Variants in SYNDIG1 observed in about 807,000 individuals in gnomAD.
The protein encoded by SYNDIG1 is synapse differentiation inducing 1.
A neutral mutation model predicts 19.4 loss-of-function variants in SYNDIG1; 9 were observed. The ratio of observed to expected loss-of-function variants is 0.46; its 90% CI spans 0.28 to 0.81. The LOEUF (loss-of-function observed/expected upper bound fraction) is 0.81, where lower values mean the gene tolerates loss of function less well. Among genes scored for constraint, SYNDIG1 ranks in the 30% least tolerant of loss-of-function variants. SYNDIG1 has a pLI of 0.12. For synonymous variants in SYNDIG1, 141 were observed against 145.9 expected, an observed-to-expected ratio of 0.97 and a Z score of 0.24; for missense variants, 311 against 343.3, an observed-to-expected ratio of 0.91 and a Z score of 0.74.
At chr20:24,568,095 C>T (rs2058084542) in intron 2 of SYNDIG1, among the ~76,000 whole-genome samples, 5 of 152,140 alleles carry the variant, frequency 3.3e-5, no homozygotes, top group African/African-American at 9.6e-5. Context: ...GAGTTGAGAT[C>T]GCGCTATTGC....
chr20:24,610,441 G>A (rs2058828428), intron 3 of SYNDIG1, among the ~76,000 whole-genome samples: 1 of 152,194 alleles, frequency 6.6e-6, no homozygotes, highest in South Asian at 2.1e-4. Flanking sequence ...TATGCATGTA[G>A]CTCTGCACAC....
chr20:24,491,587 G>T (rs566568142), intron 1 of SYNDIG1: 2 of 152,260 alleles, frequency 1.3e-5, no homozygotes, highest in African/African-American at 4.8e-5. Context: ...GGTCCGTCAC[G>T]TTCCTGATGC....
chr20:24,571,236 G>A (rs2058136170), intron 2 of SYNDIG1, among the ~76,000 whole-genome samples: 1 of 152,154 alleles, frequency 6.6e-6, no homozygotes, highest in African/African-American at 2.4e-5. Context: ...ACTACACACT[G>A]CAAACACACA....
At position 24,665,525 on chromosome 20, in the gene SYNDIG1, G is replaced by C; in HGVS notation, c.*21G>C. On this transcript the variant is annotated 3_prime_UTR_variant, in exon 4 of 4. Transcript: ENST00000376862. ...TGTGAGCTTCCTGCGAATGGAGGGG[G>C]AGCACCCGGGGCCAGGTCTGTGTGG... 6.2e-7 allele frequency: 1 copy of C among 1,613,830 alleles called. No individual in the cohort carries two copies. Among genetic ancestry groups the C allele is most frequent in the Non-Finnish European group, 8.5e-7 (1 of 1,179,930 alleles).
chr20:24,649,076 A>G (rs1267604890), intron 3 of SYNDIG1, among the ~76,000 whole-genome samples: 2 of 152,190 alleles, frequency 1.3e-5, no homozygotes, highest in Non-Finnish European at 2.9e-5. Flanking sequence ...TCATGAATGC[A>G]AAGTTCTGTG....
At chr20:24,519,163 G>A (rs1182537611) in intron 1 of SYNDIG1, among the ~76,000 whole-genome samples, 3 of 152,116 alleles carry the variant, frequency 2.0e-5, no homozygotes, top group African/African-American at 4.8e-5. Context: ...CTGAGCTGTT[G>A]CTCTGTTTCT....
At chr20:24,655,754 GA>G (rs898788927) in intron 3 of SYNDIG1, among the ~76,000 whole-genome samples, 1 of 135,432 alleles carries the variant, frequency 7.4e-6, no homozygotes, top group African/African-American at 2.9e-5. Flanking sequence ...TGACCTAGCA[GA>G]AATACATCTG....
chr20:24,615,263 G>A (rs2058912887), intron 3 of SYNDIG1, among the ~76,000 whole-genome samples: 1 of 152,194 alleles, frequency 6.6e-6, no homozygotes. Context: ...AATGGGCCCA[G>A]GGAGGGGTGT....
intron 1 of SYNDIG1, among the ~76,000 whole-genome samples, chr20:24,495,218 G>A (rs2056266942): frequency 2.0e-5 from 3 of 152,348 alleles, no homozygotes; most frequent in South Asian, 4.1e-4. Flanking sequence ...AAGGGAGGGT[G>A]GATTTCTTGT....
intron 2 of SYNDIG1, among the ~76,000 whole-genome samples, chr20:24,566,333 G>A (rs1302995974): frequency 6.6e-6 from 1 of 152,166 alleles, no homozygotes; most frequent in Non-Finnish European, 1.5e-5. Flanking sequence ...ATATTTGGCT[G>A]ATTCATCTAA....
At chr20:24,519,236 C>A (rs1392124142) in intron 1 of SYNDIG1, among the ~76,000 whole-genome samples, 1 of 152,114 alleles carries the variant, frequency 6.6e-6, no homozygotes, top group Admixed American at 6.6e-5. Flanking sequence ...AGATGGACCA[C>A]GATACTGTCC....
chr20:24,579,432 T>A (rs1020692601), intron 2 of SYNDIG1, among the ~76,000 whole-genome samples: 2 of 152,218 alleles, frequency 1.3e-5, no homozygotes, highest in Non-Finnish European at 2.9e-5. Context: ...AAAAAAACTC[T>A]GGTCTCTGTT....
chr20:24,598,231 GGCAGCAAGGGCAAAGTGCTTTAGAC>G (rs558836934), intron 3 of SYNDIG1, among the ~76,000 whole-genome samples: 161 of 152,280 alleles, frequency 1.1e-3, no homozygotes, highest in African/African-American at 3.8e-3. Flanking sequence ...AAACAAGAAT[GGCAGCAAGGGCAAAGTGCTTTAGAC>G]GCACAATTCC....
At chr20:24,511,316 T>C (rs963111925) in intron 1 of SYNDIG1, among the ~76,000 whole-genome samples, 7 of 152,222 alleles carry the variant, frequency 4.6e-5, no homozygotes, top group Admixed American at 2.6e-4. Context: ...TTTATGTTAG[T>C]TCCTCAGTGT....
At position 24,543,532 on chromosome 20, in the gene SYNDIG1, C is replaced by G. The variant is rs763541467; in HGVS notation, c.435C>G (p.Thr145=). The G allele has an allele frequency of 1.2e-6, 2 of 1,606,498 alleles. No homozygotes were observed. The highest frequency in any genetic ancestry group is 1.7e-6 in the Non-Finnish European group (2 of 1,179,968). Residue 145 remains threonine (T), a synonymous_variant, in exon 2 of 4, where the codon ACC becomes ACG. Transcript: ENST00000376862. ...CAGCTGATGACATAAAAATCCACAC[C>G]CTGTCCTACGATGTGGAGGAGGAGG... ...DLSADDIKIH[T]LSYDVEEEEE...
intron 2 of SYNDIG1, among the ~76,000 whole-genome samples, chr20:24,576,713 C>T (rs377364916): frequency 1.3e-5 from 2 of 152,126 alleles, no homozygotes; most frequent in Admixed American, 6.5e-5. Context: ...TGCCCCCAGG[C>T]TGGGCACTTG....
intron 1 of SYNDIG1, among the ~76,000 whole-genome samples, chr20:24,528,931 T>C (rs1175980979): frequency 6.6e-6 from 1 of 152,196 alleles, no homozygotes. Context: ...AGTGTTCAAC[T>C]GTGTTTTTCA....
chr20:24,650,328 C>T (rs2059457563), intron 3 of SYNDIG1, among the ~76,000 whole-genome samples: 1 of 152,224 alleles, frequency 6.6e-6, no homozygotes, highest in Non-Finnish European at 1.5e-5. Context: ...AAACAGAAAT[C>T]TGCAAGTTTG....
At chr20:24,490,721 TCAGCCAAGG>T (rs2056122508) in intron 1 of SYNDIG1, among the ~76,000 whole-genome samples, 1 of 152,190 alleles carries the variant, frequency 6.6e-6, no homozygotes, top group African/African-American at 2.4e-5. Context: ...ATGTGGGGCC[TCAGCCAAGG>T]CTAGCACCAG....
Sources: gnomAD v4.1 joint callset for allele counts (sites outside exome capture counted in the v4.1 genomes callset) on GRCh38, gnomAD v4.1.1 for gene constraint, MANE v1.5 for transcripts, NCBI Gene and HGNC (gene_info 2026-07-23, HGNC 2026-07-21) for gene names.